PTPRD: variants seen among roughly 807,000 people sequenced by gnomAD.
PTPRD encodes receptor-type tyrosine-protein phosphatase delta.
A neutral mutation model predicts 214.5 loss-of-function variants in PTPRD; 34 were observed. That is an observed-to-expected ratio of 0.16 (90% CI 0.12 to 0.21). The LOEUF (loss-of-function observed/expected upper bound fraction) is 0.21. Among genes scored for constraint, PTPRD ranks in the 10% least tolerant of loss-of-function variants. The pLI is 1.00. For missense variants in PTPRD, 2,545 were observed against 2,398.7 expected (o/e 1.06, Z -1.27); for synonymous variants, 1,128 against 845.7 (o/e 1.33, Z -5.79).
At chr9:9,239,935 G>T (rs2099969532) in intron 9 of PTPRD, among the ~76,000 whole-genome samples, 1 of 152,132 alleles carries the variant, frequency 6.6e-6, no homozygotes, top group Non-Finnish European at 1.5e-5. Flanking sequence ...ACTAGAGGTG[G>T]GAATTGAGGA....
chr9:10,010,759 T>C (rs2096581307), intron 4 of PTPRD, among the ~76,000 whole-genome samples: 2 of 152,004 alleles, frequency 1.3e-5, no homozygotes, highest in African/African-American at 4.8e-5. Context: ...ATCATTATGG[T>C]AATGAGGAGA....
At chr9:10,348,892 A>T (rs1039876162) in intron 2 of PTPRD, among the ~76,000 whole-genome samples, 1 of 152,052 alleles carries the variant, frequency 6.6e-6, no homozygotes, top group African/African-American at 2.4e-5. Context: ...TTTTGCCCAC[A>T]AGTAAACTCC....
chr9:9,056,409 C>G (rs1488961202), intron 10 of PTPRD, among the ~76,000 whole-genome samples: 1 of 152,160 alleles, frequency 6.6e-6, no homozygotes, highest in Non-Finnish European at 1.5e-5. Context: ...TGCAGTAACC[C>G]GCATAGCACA....
Position 9,281,599 on chromosome 9 carries a change from A to C in PTPRD, c.-202-98236T>G, listed in dbSNP as rs377444742. Among the ~76,000 whole-genome samples, 64 of 151,430 alleles carry C rather than the reference A, an allele frequency of 4.2e-4. No individual in the cohort carries two copies. In the East Asian group the frequency reaches 9.4e-3, roughly 22 times the overall value. ...CCACAATGCAAAATATTAACAACAC[A>C]AAATTCTGGTAAGGATGTGGAACAG... On this transcript the variant is annotated intron_variant, in intron 9 of 45. Coordinates refer to ENST00000381196, the MANE Select transcript of PTPRD (RefSeq NM_002839.4).
At chr9:9,291,504 C>T (rs1951121130) in intron 9 of PTPRD, among the ~76,000 whole-genome samples, 1 of 151,408 alleles carries the variant, frequency 6.6e-6, no homozygotes, top group Non-Finnish European at 1.5e-5. Flanking sequence ...TAGATTTTAA[C>T]TTACCAATAA....
intron 3 of PTPRD, among the ~76,000 whole-genome samples, chr9:10,320,330 T>G (rs1178096385): frequency 2.0e-5 from 3 of 152,002 alleles, no homozygotes. Context: ...GCTGACTACA[T>G]AAGCTTGAAT....
chr9:10,055,902 G>A (rs1014322763), intron 3 of PTPRD, among the ~76,000 whole-genome samples: 1 of 151,578 alleles, frequency 6.6e-6, no homozygotes, highest in Non-Finnish European at 1.5e-5. Context: ...GTATAAATGA[G>A]TGTGTGTGTA....
At chr9:8,510,062 T>C in intron 21 of PTPRD, among the ~76,000 whole-genome samples, 1 of 152,178 alleles carries the variant, frequency 6.6e-6, no homozygotes. Context: ...GTTGGGAGGA[T>C]GGCTTGAAGT....
chr9:10,543,901 G>T (rs1041213111), intron 2 of PTPRD, among the ~76,000 whole-genome samples: 48 of 152,136 alleles, frequency 3.2e-4, no homozygotes, highest in Admixed American at 3.1e-3. Flanking sequence ...CGGGGAATCT[G>T]CTTGTGATAG....
Position 8,633,503 on chromosome 9 carries a change from C to A in PTPRD, c.211-45G>T, listed in dbSNP as rs370170392. ...CTGTCACAGGTGTTGTTACAATTGT[C>A]TACCTCTCAGCTAAAGCTCTCAATA... On this transcript the variant is annotated intron_variant, in intron 13 of 45. Transcript: ENST00000381196. The A allele has an allele frequency of 3.7e-6, 6 of 1,601,102 alleles. No homozygotes were observed. The African/African-American group carries it at 6.7e-5, about 18-fold the overall frequency.
chr9:10,301,292 A>G (rs1000490089), intron 3 of PTPRD, among the ~76,000 whole-genome samples: 3 of 152,208 alleles, frequency 2.0e-5, no homozygotes, highest in Non-Finnish European at 4.4e-5. Flanking sequence ...AAAGGTAGAT[A>G]AATCCACAAA....
chr9:10,086,251 G>A (rs893745558), intron 3 of PTPRD, among the ~76,000 whole-genome samples: 1 of 151,702 alleles, frequency 6.6e-6, no homozygotes, highest in East Asian at 1.9e-4. Flanking sequence ...TTTTAGATGT[G>A]ATCCTCCATA....
chr9:10,278,599 T>C (rs545245193), intron 3 of PTPRD, among the ~76,000 whole-genome samples: 8 of 152,276 alleles, frequency 5.3e-5, no homozygotes, highest in Non-Finnish European at 7.4e-5. Context: ...TTCTATCTCC[T>C]GATCTAGGTT....
chr9:9,589,196 G>T (rs2092442376), intron 7 of PTPRD, among the ~76,000 whole-genome samples: 1 of 151,844 alleles, frequency 6.6e-6, no homozygotes, highest in Non-Finnish European at 1.5e-5. Context: ...TATTTGGTGT[G>T]TATTTTTAAA....
At chr9:9,246,828 T>C (rs2099973267) in intron 9 of PTPRD, among the ~76,000 whole-genome samples, 1 of 151,956 alleles carries the variant, frequency 6.6e-6, no homozygotes, top group Admixed American at 6.6e-5. Flanking sequence ...AAGTTTCCTG[T>C]TAAGGAAGGA....
intron 7 of PTPRD, among the ~76,000 whole-genome samples, chr9:9,694,141 C>A (rs148165889): frequency 9.9e-5 from 15 of 152,158 alleles, no homozygotes; most frequent in Middle Eastern, 3.4e-3. Flanking sequence ...GTTTTCCTGG[C>A]GTGTTGATTT....
intron 11 of PTPRD, among the ~76,000 whole-genome samples, chr9:8,944,777 T>A (rs1212946610): frequency 6.6e-6 from 1 of 151,906 alleles, no homozygotes; most frequent in African/African-American, 2.4e-5. Context: ...GAAATAAGGA[T>A]GATTAATGGG....
intron 11 of PTPRD, among the ~76,000 whole-genome samples, chr9:8,870,729 C>CACACACAT (rs1555457923): frequency 2.2e-3 from 335 of 151,284 alleles, no homozygotes; most frequent in African/African-American, 7.7e-3. Context: ...CACACACACA[C>CACACACAT]GGGAGTTCAG....
chr9:8,607,036 G>A (rs574643196), intron 14 of PTPRD, among the ~76,000 whole-genome samples: 2 of 152,240 alleles, frequency 1.3e-5, no homozygotes, highest in South Asian at 2.1e-4. Flanking sequence ...GGGGCTGCAG[G>A]GTTTGGAATA....
Sources: allele counts gnomAD v4.1 joint callset (sites outside exome capture counted in the v4.1 genomes callset), GRCh38; gene constraint gnomAD v4.1.1; transcripts MANE v1.5; gene names NCBI Gene and HGNC (gene_info 2026-07-23, HGNC 2026-07-21).